STAC: variants seen among roughly 807,000 people sequenced by gnomAD.
STAC encodes SH3 and cysteine rich domain.
Under a neutral mutation model 48.8 loss-of-function variants are expected in STAC, and 43 were observed. The ratio of observed to expected loss-of-function variants is 0.88; its 90% CI spans 0.69 to 1.14. The LOEUF (loss-of-function observed/expected upper bound fraction) is 1.14, where lower values mean the gene tolerates loss of function less well. STAC is among the 50% of genes most tolerant of loss of function. The pLI is 0.00. For missense variants in STAC, 497 were observed against 504.0 expected (o/e 0.99, Z 0.13); for synonymous variants, 193 against 179.5 (o/e 1.07, Z -0.60).
intron 6 of STAC, among the ~76,000 whole-genome samples, chr3:36,496,043 A>G (rs1698145801): frequency 6.6e-6 from 1 of 152,226 alleles, no homozygotes; most frequent in Non-Finnish European, 1.5e-5. Context: ...AAGGAAACTA[A>G]GTCACAGAGT....
At chr3:36,452,047 A>C (rs886852665) in intron 2 of STAC, among the ~76,000 whole-genome samples, 3 of 152,208 alleles carry the variant, frequency 2.0e-5, no homozygotes, top group Non-Finnish European at 2.9e-5. Context: ...CACTGAAGTT[A>C]CTAGCACATT....
intron 1 of STAC, among the ~76,000 whole-genome samples, chr3:36,398,677 GAAAGAAAGAAAGA>G (rs1278720228): frequency 1.1e-4 from 16 of 142,728 alleles, no homozygotes; most frequent in African/African-American, 1.6e-4. Context: ...AGGAAGGAAA[GAAAGAAAGAAAGA>G]AAAGAAAGAA....
chr3:36,481,208 A>G (rs940396612), intron 2 of STAC, among the ~76,000 whole-genome samples: 1 of 152,228 alleles, frequency 6.6e-6, no homozygotes, highest in Non-Finnish European at 1.5e-5. Context: ...AGAAGACCAC[A>G]TGGCTAAAGC....
chr3:36,404,765 TG>T (rs2125629813), intron 1 of STAC, among the ~76,000 whole-genome samples: 1 of 152,262 alleles, frequency 6.6e-6, no homozygotes, highest in South Asian at 2.1e-4. Context: ...AGATGATAGA[TG>T]TTTTTAAATA....
intron 1 of STAC, among the ~76,000 whole-genome samples, chr3:36,404,042 T>C (rs1003859098): frequency 1.3e-5 from 2 of 152,160 alleles, no homozygotes; most frequent in Non-Finnish European, 2.9e-5. Context: ...ACAAATTCCA[T>C]TAAATTCCTT....
intron 1 of STAC, among the ~76,000 whole-genome samples, chr3:36,398,324 A>AAAGCAAGC (rs1553631456): frequency 1.0e-5 from 1 of 95,634 alleles, no homozygotes; most frequent in Non-Finnish European, 2.3e-5. Context: ...AGAAAGCAAG[A>AAAGCAAGC]AAGAAAGAAA....
chr3:36,417,715 A>G (rs1700351594), intron 1 of STAC, among the ~76,000 whole-genome samples: 1 of 152,224 alleles, frequency 6.6e-6, no homozygotes, highest in South Asian at 2.1e-4. Flanking sequence ...AGGGAATAGT[A>G]TAGGTTTGAA....
At chr3:36,489,586 T>C (rs1296379191) in intron 5 of STAC, among the ~76,000 whole-genome samples, 1 of 152,244 alleles carries the variant, frequency 6.6e-6, no homozygotes, top group African/African-American at 2.4e-5. Context: ...GATTTTTCTC[T>C]CACTTTCCCA....
Position 36,505,748 on chromosome 3 carries a change from A to T in STAC, c.834A>T (p.Gly278=). ...RDPAKNINHQ[G]SLSKDPLQMN... ...TTTTCTTTTATTTTCTCTTTCAGGG[A>T]TCTCTTTCCAAAGACCCATTACAGA... The change falls in exon 8 of 11, where the codon GGA becomes GGT. Residue 278 remains glycine, a splice_region_variant and synonymous_variant. Transcript: ENST00000273183. 2 of 1,577,914 alleles carry T rather than the reference A, an allele frequency of 1.3e-6. No individual in the cohort carries two copies. Among genetic ancestry groups the T allele is most frequent in the Non-Finnish European group, 1.7e-6 (2 of 1,160,800 alleles).
At position 36,398,292 on chromosome 3, in the gene STAC, TA is replaced by T. The variant is rs762378201; in HGVS notation, c.111+17544del. On this transcript the variant is annotated intron_variant, in intron 1 of 10. Coordinates refer to ENST00000273183, the MANE Select transcript of STAC (RefSeq NM_003149.3). ...TTTACTGCCATCTATGAAGGTATGT[TA>T]AAAAAGAAAGAAAGAAAGAAAGAAA... 2.1e-3 allele frequency among the ~76,000 whole-genome samples: 170 copies of T among 80,576 alleles called. 2 individuals are homozygous for T. Among genetic ancestry groups the T allele is most frequent in the African/African-American group, 7.4e-3 (154 of 20,832 alleles). The allele number at this position is 80,576 out of a possible 152,430, so 52.9% of individuals were successfully genotyped here. A position where few individuals can be genotyped will look rare whatever the true frequency, so the allele number is the denominator to read the frequency against.
At chr3:36,390,106 A>G (rs1445961606) in intron 1 of STAC, among the ~76,000 whole-genome samples, 1 of 152,208 alleles carries the variant, frequency 6.6e-6, no homozygotes, top group Admixed American at 6.5e-5. Context: ...CTATACATGT[A>G]GTATTGTACA....
At chr3:36,403,507 GA>G (rs547877366) in intron 1 of STAC, among the ~76,000 whole-genome samples, 2 of 148,974 alleles carry the variant, frequency 1.3e-5, no homozygotes, top group Non-Finnish European at 3.0e-5. Flanking sequence ...AAATTCAGTA[GA>G]AAAAAAGTTA....
At chr3:36,411,551 A>G (rs1318834842) in intron 1 of STAC, among the ~76,000 whole-genome samples, 2 of 152,212 alleles carry the variant, frequency 1.3e-5, no homozygotes, top group East Asian at 3.8e-4. Context: ...GACTCTTAAA[A>G]GAAGTGCTCA....
intron 1 of STAC, among the ~76,000 whole-genome samples, chr3:36,391,407 C>T (rs1699748969): frequency 6.6e-6 from 1 of 152,174 alleles, no homozygotes. Context: ...CAGCTGAAAA[C>T]TCCTAAATCT....
chr3:36,503,165 A>T (rs181024312), intron 6 of STAC, among the ~76,000 whole-genome samples: 1 of 152,340 alleles, frequency 6.6e-6, no homozygotes, highest in East Asian at 1.9e-4. Flanking sequence ...AGCAATGTAT[A>T]ATCTAAAAAT....
intron 2 of STAC, among the ~76,000 whole-genome samples, chr3:36,472,103 C>T (rs1432955632): frequency 2.6e-5 from 4 of 152,224 alleles, no homozygotes; most frequent in Non-Finnish European, 4.4e-5. Flanking sequence ...GAAATCTAGG[C>T]GGAGGTTCCC....
At chr3:36,465,786 G>C (rs898697095) in intron 2 of STAC, among the ~76,000 whole-genome samples, 26 of 152,082 alleles carry the variant, frequency 1.7e-4, no homozygotes, top group South Asian at 2.1e-4. Flanking sequence ...AAAGAGGTAG[G>C]CTGGGAGGCT....
chr3:36,429,393 A>G (rs1018193438), intron 1 of STAC, among the ~76,000 whole-genome samples: 22 of 152,144 alleles, frequency 1.4e-4, no homozygotes, highest in African/African-American at 5.1e-4. Flanking sequence ...GCAGAGAGAG[A>G]TATTCCTTAT....
chr3:36,474,994 C>G (rs1393236611), intron 2 of STAC, among the ~76,000 whole-genome samples: 1 of 151,996 alleles, frequency 6.6e-6, no homozygotes, highest in Non-Finnish European at 1.5e-5. Context: ...AATGGCTTTT[C>G]TCGTGTGTGT....
Sources: gnomAD v4.1 joint callset for allele counts (sites outside exome capture counted in the v4.1 genomes callset) on GRCh38, gnomAD v4.1.1 for gene constraint, MANE v1.5 for transcripts, NCBI Gene and HGNC (gene_info 2026-07-23, HGNC 2026-07-21) for gene names.